CUBN: variants seen among roughly 807,000 people sequenced by gnomAD.
CUBN encodes cubilin.
CUBN carries 282 observed loss-of-function variants against 405.3 expected under a neutral mutation model. The ratio of observed to expected loss-of-function variants is 0.70; its 90% CI spans 0.63 to 0.77. CUBN has a LOEUF of 0.77. CUBN is among the 30% of genes least tolerant of loss of function. The pLI is 0.00. For synonymous variants in CUBN, 1,684 were observed against 1,617.0 expected (o/e 1.04, Z -0.99); for missense variants, 4,514 against 4,475.2 (o/e 1.01, Z -0.25).
At chr10:17,106,812 T>A (rs1217051230) in intron 10 of CUBN, among the ~76,000 whole-genome samples, 2 of 152,162 alleles carry the variant, frequency 1.3e-5, no homozygotes, top group African/African-American at 4.8e-5. Flanking sequence ...TGTCCCCAGT[T>A]ATGTGGATGT....
chr10:17,124,318 G>A (rs1837117510), intron 4 of CUBN, among the ~76,000 whole-genome samples: 2 of 152,070 alleles, frequency 1.3e-5, no homozygotes, highest in South Asian at 2.1e-4. Context: ...CATAACCTGG[G>A]GAATCTGACC....
chr10:16,971,276 G>A (rs1312521418), intron 31 of CUBN, among the ~76,000 whole-genome samples: 1 of 152,182 alleles, frequency 6.6e-6, no homozygotes, highest in Non-Finnish European at 1.5e-5. Context: ...TAAGATGTTG[G>A]ACTTTGGGGT....
intron 22 of CUBN, among the ~76,000 whole-genome samples, chr10:17,058,428 T>A (rs981791775): frequency 3.3e-5 from 5 of 151,898 alleles, no homozygotes; most frequent in African/African-American, 1.2e-4. Context: ...CACAGACAGG[T>A]TGCACTCTCT....
intron 31 of CUBN, among the ~76,000 whole-genome samples, chr10:16,972,329 A>G (rs1035150781): frequency 1.3e-5 from 2 of 152,166 alleles, no homozygotes; most frequent in Admixed American, 6.5e-5. Flanking sequence ...CTCAGATCCT[A>G]TCCCAAGCTC....
chr10:17,127,718 G>C, intron 3 of CUBN, 111 bp downstream of exon 3: 1 of 727,792 alleles, frequency 1.4e-6, no homozygotes, highest in South Asian at 1.7e-5. Flanking sequence ...GTAGTTACAT[G>C]CTAAATCTCT....
chr10:16,853,094 A>C (rs1839768632), intron 59 of CUBN, among the ~76,000 whole-genome samples: 1 of 152,228 alleles, frequency 6.6e-6, no homozygotes. Context: ...AATACAAAAA[A>C]ACAATCCTCA....
chr10:16,903,244 T>A (rs1841449330), intron 51 of CUBN, among the ~76,000 whole-genome samples: 2 of 152,210 alleles, frequency 1.3e-5, no homozygotes, highest in Admixed American at 1.3e-4. Context: ...TATGCCCATT[T>A]ACATTTAAAA....
chr10:17,072,904 T>C (rs1835772213), intron 17 of CUBN, among the ~76,000 whole-genome samples: 1 of 152,090 alleles, frequency 6.6e-6, no homozygotes, highest in Non-Finnish European at 1.5e-5. Flanking sequence ...AAATAAGATT[T>C]GAACAGACAT....
intron 66 of CUBN, among the ~76,000 whole-genome samples, chr10:16,826,458 T>C (rs1416588423): frequency 1.3e-5 from 2 of 152,222 alleles, no homozygotes; most frequent in Non-Finnish European, 2.9e-5. Context: ...CAAAAAGTTG[T>C]ATGTAAATAT....
intron 27 of CUBN, among the ~76,000 whole-genome samples, chr10:17,033,177 T>G (rs946812657): frequency 6.6e-6 from 1 of 152,190 alleles, no homozygotes; most frequent in African/African-American, 2.4e-5. Flanking sequence ...CCCACCCTGC[T>G]CTGCAGGCCA....
In CUBN at chr10:17,108,802, A is replaced by T. The variant is rs940096908; in HGVS notation, c.1111+838T>A. Among the ~76,000 whole-genome samples, 5 of 152,144 alleles carry T rather than the reference A, an allele frequency of 3.3e-5. No individual in the cohort carries two copies. The South Asian group carries it at 6.2e-4, about 19-fold the overall frequency. On this transcript the variant is annotated intron_variant, in intron 10 of 66. Coordinates refer to ENST00000377833, the MANE Select transcript of CUBN (RefSeq NM_001081.4). ...ACTACAAGATTAAAACAAAAACAAC[A>T]TGCCAGGAAAAACACTTATAAAACA...
intron 60 of CUBN, among the ~76,000 whole-genome samples, chr10:16,848,360 A>C (rs934657679): frequency 6.6e-6 from 1 of 152,182 alleles, no homozygotes; most frequent in Non-Finnish European, 1.5e-5. Flanking sequence ...CATAGTGCCC[A>C]TGCCTATTTG....
chr10:16,916,372 T>C (rs1841885232), intron 45 of CUBN, among the ~76,000 whole-genome samples: 1 of 152,218 alleles, frequency 6.6e-6, no homozygotes. Flanking sequence ...AAGAACCAAC[T>C]GATAGGCTGA....
intron 17 of CUBN, among the ~76,000 whole-genome samples, chr10:17,075,892 C>G (rs45492097): frequency 1.3e-5 from 2 of 152,142 alleles, no homozygotes; most frequent in Admixed American, 6.5e-5. Flanking sequence ...AGGTATTTGA[C>G]AAATTCTTGT....
rs146157308 is a variant in CUBN at position 17,128,388 on chromosome 10, T to C, written c.253-464A>G. 1.8e-3 allele frequency among the ~76,000 whole-genome samples: 279 copies of C among 152,322 alleles called. 1 individual carries two copies. The highest frequency in any genetic ancestry group is 4.4e-3 in the African/African-American group (182 of 41,576). ...TCCATACGGTGCTAAGCACAGTGGA[T>C]GGCCCACAGTAAGCTCTGAATAATG... On this transcript the variant is annotated intron_variant, in intron 2 of 66. Transcript: ENST00000377833.
chr10:17,120,476 A>G (rs960058028), intron 6 of CUBN, among the ~76,000 whole-genome samples: 1 of 152,232 alleles, frequency 6.6e-6, no homozygotes, highest in Admixed American at 6.5e-5. Flanking sequence ...AGGAATCAAG[A>G]TCATTTCCAA....
Position 16,849,190 on chromosome 10 carries a change from T to C in CUBN, c.9663+2045A>G, listed in dbSNP as rs1308985881. Reference sequence around the variant, plus strand: ...GCCTCTACTTTACAATTCAATAGTATTGACCACCCATGCTTTGTAAAAGAA... The same window carrying C: ...GCCTCTACTTTACAATTCAATAGTACTGACCACCCATGCTTTGTAAAAGAA... On this transcript the variant is annotated intron_variant, in intron 60 of 66. Coordinates refer to ENST00000377833, the MANE Select transcript of CUBN (RefSeq NM_001081.4). Among the ~76,000 whole-genome samples the C allele has an allele frequency of 2.0e-5, 3 of 152,284 alleles. No individual in the cohort carries two copies. In the East Asian group the frequency reaches 5.8e-4, roughly 29 times the overall value.
intron 17 of CUBN, among the ~76,000 whole-genome samples, chr10:17,083,516 A>AATAAATAAATACATACATACATAC (rs59957943): frequency 0.17 from 24,722 of 142,424 alleles, 2,472 homozygotes; most frequent in South Asian, 0.35. Flanking sequence ...AAAATAAATA[A>AATAAATAAATACATACATACATAC]ATACATACAT....
intron 28 of CUBN, among the ~76,000 whole-genome samples, chr10:16,998,543 T>C (rs1288849502): frequency 2.0e-5 from 3 of 152,216 alleles, no homozygotes; most frequent in African/African-American, 7.2e-5. Flanking sequence ...TGTTGTCCCA[T>C]GCCACCCAGT....
Sources: gnomAD v4.1 joint callset for allele counts (sites outside exome capture counted in the v4.1 genomes callset) on GRCh38, gnomAD v4.1.1 for gene constraint, MANE v1.5 for transcripts, NCBI Gene and HGNC (gene_info 2026-07-23, HGNC 2026-07-21) for gene names.